EFL1: variants seen among roughly 807,000 people sequenced by gnomAD.
The protein encoded by EFL1 is elongation factor-like GTPase 1.
In EFL1, 76 loss-of-function variants were observed where a neutral mutation model predicts 126.7. The observed-to-expected ratio is 0.60, with a 90% confidence interval of 0.50 to 0.73. The LOEUF (loss-of-function observed/expected upper bound fraction) is 0.73, where lower values mean the gene tolerates loss of function less well. EFL1 is among the 30% of genes least tolerant of loss of function. EFL1 has a pLI of 0.00. For missense variants in EFL1, 1,128 were observed against 1,343.2 expected, an observed-to-expected ratio of 0.84 and a Z score of 2.50; for synonymous variants, 410 against 448.4, an observed-to-expected ratio of 0.91 and a Z score of 1.08.
intron 15 of EFL1, among the ~76,000 whole-genome samples, chr15:82,165,097 A>C (rs1016662593): frequency 3.3e-5 from 5 of 151,936 alleles, no homozygotes; most frequent in African/African-American, 1.2e-4. Context: ...ACAGAGTGAG[A>C]CTTCTTGCTA....
intron 12 of EFL1, among the ~76,000 whole-genome samples, chr15:82,224,309 A>G (rs886153464): frequency 9.2e-5 from 14 of 152,346 alleles, no homozygotes; most frequent in Non-Finnish European, 2.1e-4. Flanking sequence ...ATAAAACTTT[A>G]AAATCTCATC....
chr15:82,210,776 C>T (rs565830592), intron 15 of EFL1, among the ~76,000 whole-genome samples: 1 of 150,860 alleles, frequency 6.6e-6, no homozygotes, highest in South Asian at 2.1e-4. Flanking sequence ...CCTGGAGAAT[C>T]GTTTGAACCC....
At chr15:82,224,680 A>G (rs1567070107) in intron 12 of EFL1, among the ~76,000 whole-genome samples, 2 of 152,316 alleles carry the variant, frequency 1.3e-5, no homozygotes, top group South Asian at 2.1e-4. Context: ...GGAGGGGAAC[A>G]CACATAAAAA....
intron 15 of EFL1, among the ~76,000 whole-genome samples, chr15:82,207,278 ATGTGTGTG>A (rs754666632): frequency 7.6e-6 from 1 of 130,902 alleles, no homozygotes; most frequent in Non-Finnish European, 1.6e-5. Flanking sequence ...ATATATATTT[ATGTGTGTG>A]TATATATATA....
At chr15:82,231,009 C>T (rs377609472) in intron 7 of EFL1, 38 bp from the exon 8 acceptor site, 58 of 1,598,660 alleles carry the variant, frequency 3.6e-5, no homozygotes, top group African/African-American at 3.2e-4. Context: ...TTAATAACAA[C>T]GATTATTGAT....
At chr15:82,237,319 G>A (rs55782949) in intron 7 of EFL1, among the ~76,000 whole-genome samples, 258 of 152,232 alleles carry the variant, frequency 1.7e-3, no homozygotes, top group African/African-American at 6.0e-3. Flanking sequence ...TCAGGAGTAC[G>A]AAGAAAACAC....
intron 7 of EFL1, among the ~76,000 whole-genome samples, chr15:82,234,754 C>T (rs1158720710): frequency 6.6e-6 from 1 of 152,110 alleles, no homozygotes; most frequent in Non-Finnish European, 1.5e-5. Context: ...CATGAAGAGA[C>T]TCTGTTTTCT....
chr15:82,181,931 T>C (rs1222158701), intron 15 of EFL1, among the ~76,000 whole-genome samples: 1 of 152,170 alleles, frequency 6.6e-6, no homozygotes, highest in Non-Finnish European at 1.5e-5. Context: ...CCGTGCTCCA[T>C]GTACAAAATT....
chr15:82,217,878 T>C (rs571214135), intron 14 of EFL1, among the ~76,000 whole-genome samples: 17 of 152,298 alleles, frequency 1.1e-4, no homozygotes, highest in Admixed American at 6.5e-4. Context: ...TACTCTCTTA[T>C]ATGGCTTGAT....
At chr15:82,169,452 G>T (rs1263069477) in intron 15 of EFL1, among the ~76,000 whole-genome samples, 2 of 152,042 alleles carry the variant, frequency 1.3e-5, no homozygotes, top group African/African-American at 4.8e-5. Context: ...AGTCTTGGTG[G>T]TTTTTTAGGA....
At chr15:82,204,563 T>C (rs891599951) in intron 15 of EFL1, among the ~76,000 whole-genome samples, 4 of 152,212 alleles carry the variant, frequency 2.6e-5, no homozygotes, top group Admixed American at 6.5e-5. Flanking sequence ...CAAAAGACTA[T>C]TGTGTGAACC....
At chr15:82,259,030 T>C (rs2075089903) in intron 3 of EFL1, 58 bp downstream of exon 3, 2 of 1,480,710 alleles carry the variant, frequency 1.4e-6, no homozygotes, top group Non-Finnish European at 1.9e-6. Context: ...AAATGGTTCA[T>C]CACATTGTTG....
chr15:82,155,423 GC>G (rs2073957615), intron 17 of EFL1, among the ~76,000 whole-genome samples: 1 of 152,130 alleles, frequency 6.6e-6, no homozygotes, highest in Non-Finnish European at 1.5e-5. Context: ...AATTGCCTGA[GC>G]CCAGGAAGCG....
rs1287299877 is a variant in EFL1, at chr15:82,151,963, A to G, written c.2491T>C (p.Cys831Arg). 1.2e-6 allele frequency: 2 copies of G among 1,613,840 alleles called. No homozygotes were observed. Among genetic ancestry groups the G allele is most frequent in the Non-Finnish European group, 1.7e-6 (2 of 1,179,998 alleles). ...TTATTGACTAGTATGTTGGGCCCAC[A>G]TTTTCTTGGGCCAAATGACCAGATT... ...DQIWSFGPRK[C>R]GPNILVNKSE... Residue 831 changes from cysteine (C) to arginine (R), a missense_variant, in exon 18 of 20, where the codon TGT becomes CGT. Physicochemically the swap from Cys to Arg is radical, Grantham distance 180 (BLOSUM62 -3). Transcript: ENST00000268206.
chr15:82,181,895 C>T (rs950257758), intron 15 of EFL1, among the ~76,000 whole-genome samples: 1 of 152,116 alleles, frequency 6.6e-6, no homozygotes, highest in East Asian at 1.9e-4. Context: ...CATAACCTCC[C>T]GCCCTCTAAA....
At chr15:82,221,197 T>C (rs1490823308) in intron 12 of EFL1, among the ~76,000 whole-genome samples, 1 of 152,154 alleles carries the variant, frequency 6.6e-6, no homozygotes, top group Non-Finnish European at 1.5e-5. Context: ...ACTTTGTGCC[T>C]CTCTCCCGTG....
intron 16 of EFL1, among the ~76,000 whole-genome samples, chr15:82,159,472 GTT>G (rs542281221): frequency 7.5e-6 from 1 of 132,688 alleles, no homozygotes; most frequent in Admixed American, 7.6e-5. Flanking sequence ...AATAAGAAAA[GTT>G]TTTTTTTTTT....
intron 19 of EFL1, among the ~76,000 whole-genome samples, chr15:82,132,651 G>A (rs1422824187): frequency 3.9e-5 from 5 of 128,676 alleles, no homozygotes; most frequent in Non-Finnish European, 6.4e-5. Context: ...TGGGCAACAA[G>A]GGGCAGAAAA....
chr15:82,236,380 A>G (rs960297545), intron 7 of EFL1, among the ~76,000 whole-genome samples: 12 of 152,234 alleles, frequency 7.9e-5, no homozygotes, highest in African/African-American at 2.7e-4. Flanking sequence ...AAAATTAAAA[A>G]TAATGTGGAC....
Sources: allele counts gnomAD v4.1 joint callset (sites outside exome capture counted in the v4.1 genomes callset), GRCh38; gene constraint gnomAD v4.1.1; transcripts MANE v1.5; gene names NCBI Gene and HGNC (gene_info 2026-07-23, HGNC 2026-07-21).